The following GRM7 variants were observed in gnomAD, a reference collection of about 807,000 sequenced individuals.
The protein encoded by GRM7 is glutamate metabotropic receptor 7.
In GRM7, 35 loss-of-function variants were observed where a neutral mutation model predicts 84.5. That is an observed-to-expected ratio of 0.41 (90% CI 0.32 to 0.55). GRM7 has a LOEUF of 0.55. Among genes scored for constraint, GRM7 ranks in the 20% least tolerant of loss-of-function variants. The probability of loss-of-function intolerance (pLI) is 0.19; values close to 1 mark genes in which losing one functional copy is unlikely to be tolerated. For synonymous variants in GRM7, 487 were observed against 455.1 expected (o/e 1.07, Z -0.89); for missense variants, 1,003 against 1,194.6 (o/e 0.84, Z 2.36).
At chr3:6,898,684 T>G (rs993742706) in intron 1 of GRM7, among the ~76,000 whole-genome samples, 39 of 152,130 alleles carry the variant, frequency 2.6e-4, no homozygotes, top group African/African-American at 9.2e-4. Flanking sequence ...TTTGGCTATT[T>G]TTTTTGGAGG....
At chr3:6,953,122 CA>C (rs1692859741) in intron 1 of GRM7, among the ~76,000 whole-genome samples, 1 of 152,184 alleles carries the variant, frequency 6.6e-6, no homozygotes, top group South Asian at 2.1e-4. Context: ...ATGATGTTTC[CA>C]ATGTGCTGCA....
intron 9 of GRM7, among the ~76,000 whole-genome samples, chr3:7,707,919 T>G (rs1040580479): frequency 1.0e-4 from 15 of 149,362 alleles, no homozygotes; most frequent in African/African-American, 3.7e-4. Flanking sequence ...CATATTGCTG[T>G]GAAGCTTTCA....
At chr3:7,437,280 T>C (rs1697097029) in intron 5 of GRM7, among the ~76,000 whole-genome samples, 1 of 152,206 alleles carries the variant, frequency 6.6e-6, no homozygotes, top group Non-Finnish European at 1.5e-5. Flanking sequence ...TTTGGTGCCT[T>C]CTCTTAGTAG....
At chr3:7,441,366 G>T (rs1268136052) in intron 5 of GRM7, among the ~76,000 whole-genome samples, 2 of 151,982 alleles carry the variant, frequency 1.3e-5, no homozygotes, top group Non-Finnish European at 2.9e-5. Flanking sequence ...ATTTATTTAA[G>T]TTCATTATAG....
intron 1 of GRM7, among the ~76,000 whole-genome samples, chr3:6,982,703 T>C (rs1203261248): frequency 1.3e-5 from 2 of 152,178 alleles, no homozygotes; most frequent in Non-Finnish European, 2.9e-5. Context: ...TATAGTCTTG[T>C]CCTTTTGAGA....
chr3:7,319,320 G>A (rs1156978573), intron 4 of GRM7, among the ~76,000 whole-genome samples: 1 of 151,962 alleles, frequency 6.6e-6, no homozygotes, highest in Non-Finnish European at 1.5e-5. Context: ...GGGTGGAAGG[G>A]TTCATTTAAG....
intron 2 of GRM7, among the ~76,000 whole-genome samples, chr3:7,260,673 T>TGTGTGTGTGTGTGTG (rs138704668): frequency 3.5e-5 from 5 of 144,428 alleles, no homozygotes; most frequent in Non-Finnish European, 6.0e-5. Flanking sequence ...TTCTTTTGAA[T>TGTGTGTGTGTGTGTG]TGTGTGTGTG....
chr3:7,420,284 T>G (rs1696341971), intron 5 of GRM7, among the ~76,000 whole-genome samples: 2 of 152,118 alleles, frequency 1.3e-5, no homozygotes, highest in South Asian at 4.1e-4. Context: ...TGATTAGTTT[T>G]TTTATACTCA....
At chr3:7,655,627 AT>A (rs1375906514) in intron 8 of GRM7, among the ~76,000 whole-genome samples, 4 of 152,190 alleles carry the variant, frequency 2.6e-5, no homozygotes, top group Non-Finnish European at 5.9e-5. Context: ...TGCATTGCCC[AT>A]AGAGAGGGAT....
chr3:7,505,555 T>C (rs190994813), intron 7 of GRM7, among the ~76,000 whole-genome samples: 296 of 152,366 alleles, frequency 1.9e-3, no homozygotes, highest in African/African-American at 6.9e-3. Flanking sequence ...TGAAATCTAA[T>C]TGGAGGAAGT....
rs1021478249 is a variant in GRM7 at position 7,575,822 on chromosome 3, G to A, written c.1516-2600G>A. On this transcript the variant is annotated intron_variant, in intron 7 of 9. Transcript: ENST00000357716. ...TAAGTGATCAGTCAATGTGATGTTCGTGGTTACAGCTCCTGTATATATTTG... is the reference window on the plus strand; with the variant it reads ...TAAGTGATCAGTCAATGTGATGTTCATGGTTACAGCTCCTGTATATATTTG... 7.2e-5 allele frequency among the ~76,000 whole-genome samples: 11 copies of A among 152,102 alleles called. No individual in the cohort carries two copies. The East Asian group carries it at 7.7e-4, about 11-fold the overall frequency.
chr3:7,508,530 G>A (rs1217401369), intron 7 of GRM7, among the ~76,000 whole-genome samples: 1 of 152,056 alleles, frequency 6.6e-6, no homozygotes, highest in Non-Finnish European at 1.5e-5. Context: ...TATATGACCT[G>A]CTAAATACTC....
intron 4 of GRM7, among the ~76,000 whole-genome samples, chr3:7,333,348 G>C (rs1428004878): frequency 6.6e-6 from 1 of 152,134 alleles, no homozygotes; most frequent in Non-Finnish European, 1.5e-5. Context: ...CCCAGAGCCC[G>C]GTAGCCCCAC....
At chr3:7,286,134 C>G (rs1250886562) in intron 2 of GRM7, among the ~76,000 whole-genome samples, 1 of 152,142 alleles carries the variant, frequency 6.6e-6, no homozygotes, top group Non-Finnish European at 1.5e-5. Context: ...TTTGCCAGAG[C>G]TAGCTTAATG....
chr3:7,319,413 TTGTGATGGATA>T (rs1312519288), intron 4 of GRM7, among the ~76,000 whole-genome samples: 4 of 152,060 alleles, frequency 2.6e-5, no homozygotes, highest in African/African-American at 9.7e-5. Context: ...AATGAAAGAC[TTGTGATGGATA>T]TGTGATGGAG....
At chr3:7,323,180 A>G (rs1226106380) in intron 4 of GRM7, among the ~76,000 whole-genome samples, 1 of 152,168 alleles carries the variant, frequency 6.6e-6, no homozygotes, top group Non-Finnish European at 1.5e-5. Context: ...TCTAGGAATG[A>G]GTTATAAATA....
intron 1 of GRM7, among the ~76,000 whole-genome samples, chr3:7,087,701 C>G (rs1209870732): frequency 1.3e-5 from 2 of 151,488 alleles, no homozygotes; most frequent in Non-Finnish European, 2.9e-5. Flanking sequence ...GCTGAAAGCT[C>G]TCTAGGGCAG....
chr3:7,701,201 T>TGCCCA (rs1701213278), intron 9 of GRM7, among the ~76,000 whole-genome samples: 1 of 152,128 alleles, frequency 6.6e-6, no homozygotes, highest in African/African-American at 2.4e-5. Context: ...CTGCCCAGTC[T>TGCCCA]GTCTCCAAAG....
chr3:7,369,175 C>T (rs1694033348), intron 4 of GRM7, among the ~76,000 whole-genome samples: 1 of 152,094 alleles, frequency 6.6e-6, no homozygotes, highest in Admixed American at 6.6e-5. Context: ...CTGACACAGC[C>T]TCCGGAGTAG....
Sources: allele counts gnomAD v4.1 joint callset (sites outside exome capture counted in the v4.1 genomes callset), GRCh38; gene constraint gnomAD v4.1.1; transcripts MANE v1.5; gene names NCBI Gene and HGNC (gene_info 2026-07-23, HGNC 2026-07-21).